Variants in USP6NL observed in about 807,000 individuals in gnomAD.
USP6NL encodes the protein USP6 N-terminal like, also known as USP6 N-terminal-like protein.
Under a neutral mutation model 61.9 loss-of-function variants are expected in USP6NL, and 26 were observed. That is an observed-to-expected ratio of 0.42 (90% confidence interval 0.31 to 0.58). The LOEUF is 0.58. USP6NL is among the 20% of genes least tolerant of loss of function. The pLI, the probability that USP6NL is intolerant of heterozygous loss-of-function variation, is 0.16. For synonymous variants in USP6NL, 432 were observed against 390.1 expected (o/e 1.11, Z -1.27); for missense variants, 1,114 against 1,034.3 (o/e 1.08, Z -1.06).
chr10:11,473,258 C>T (rs539858856), intron 14 of USP6NL, among the ~76,000 whole-genome samples: 1 of 152,354 alleles, frequency 6.6e-6, no homozygotes, highest in Non-Finnish European at 1.5e-5. Flanking sequence ...GCCACAGCCA[C>T]AGCCCCGCAG....
chr10:11,570,971 A>T (rs1014531065), intron 2 of USP6NL, among the ~76,000 whole-genome samples: 1 of 152,234 alleles, frequency 6.6e-6, no homozygotes, highest in South Asian at 2.1e-4. Context: ...CCACTAGACT[A>T]TGTTGCCTAA....
At chr10:11,536,923 G>C (rs1835857774) in intron 2 of USP6NL, among the ~76,000 whole-genome samples, 1 of 152,136 alleles carries the variant, frequency 6.6e-6, no homozygotes, top group Non-Finnish European at 1.5e-5. Context: ...AAAGAGACAG[G>C]TCATAGCCAC....
Position 11,541,887 on chromosome 10 carries a change from T to A in USP6NL, c.5-14320A>T, listed in dbSNP as rs546375330. On this transcript the variant is annotated intron_variant, in intron 2 of 14. Transcript: ENST00000609104. ...ACTGACACTATAAGTTAGAAAAAAA[T>A]TTTTTTTAATTTTCCAAATACATTT... Among the ~76,000 whole-genome samples, 154 of 152,182 alleles carry A rather than the reference T, an allele frequency of 1.0e-3. No individual in the cohort carries two copies. The Middle Eastern group carries it at 0.01, about 10-fold the overall frequency.
intron 3 of USP6NL, among the ~76,000 whole-genome samples, chr10:11,527,130 G>A (rs376334403): frequency 6.6e-6 from 1 of 152,048 alleles, no homozygotes; most frequent in African/African-American, 2.4e-5. Context: ...TAGAATCAGG[G>A]GCATTAAACA....
At chr10:11,563,150 T>C (rs1837003642) in intron 2 of USP6NL, 2 of 152,202 alleles carry the variant, frequency 1.3e-5, no homozygotes, top group Admixed American at 1.3e-4. Flanking sequence ...AACAATTTCA[T>C]GGATACTAAG....
At chr10:11,577,316 G>C (rs993540384) in intron 2 of USP6NL, among the ~76,000 whole-genome samples, 1 of 151,918 alleles carries the variant, frequency 6.6e-6, no homozygotes, top group South Asian at 2.1e-4. Context: ...CACCCACCTC[G>C]CCCTCCCAAA....
intron 2 of USP6NL, among the ~76,000 whole-genome samples, chr10:11,583,605 G>A (rs1054546093): frequency 6.6e-6 from 1 of 152,158 alleles, no homozygotes; most frequent in Admixed American, 6.5e-5. Context: ...AAGAGATTTA[G>A]TCATAATAAG....
At chr10:11,557,619 G>C (rs968322166) in intron 2 of USP6NL, among the ~76,000 whole-genome samples, 4 of 152,222 alleles carry the variant, frequency 2.6e-5, no homozygotes, top group African/African-American at 9.6e-5. Flanking sequence ...ATTGGAGTTA[G>C]TGAGTGTAGA....
rs975538416 is a variant in USP6NL at position 11,461,771 on chromosome 10, C to T, written c.*670G>A. 13 of 152,154 alleles carry T rather than the reference C, an allele frequency of 8.5e-5. No individual in the cohort carries two copies. The highest frequency in any genetic ancestry group is 2.9e-4 in the African/African-American group (12 of 41,428). 9.4% of individuals were successfully genotyped at this position (152,154 alleles called of 1,614,324 possible). ...CTTTCTCTCCAATGTCTTTAATTTTCAGATTGAAAGAAAATGGCAACAGCT... is the reference window on the plus strand; with the variant it reads ...CTTTCTCTCCAATGTCTTTAATTTTTAGATTGAAAGAAAATGGCAACAGCT... On this transcript the variant is annotated 3_prime_UTR_variant, in exon 15 of 15. Transcript: ENST00000609104.
At position 11,465,428 on chromosome 10, in the gene USP6NL, T is replaced by C. The variant is rs972153608; in HGVS notation, c.1079-1579A>G. Among the ~76,000 whole-genome samples the C allele has an allele frequency of 3.9e-5, 6 of 152,220 alleles. No homozygotes were observed. The highest frequency in any genetic ancestry group is 3.9e-4 in the Admixed American group (6 of 15,280). On this transcript the variant is annotated intron_variant, in intron 14 of 14. Transcript: ENST00000609104. The surrounding 1 kb of genome is among the most constrained non-coding windows in gnomAD (Gnocchi z 4.5). ...AAAACTGGATTCGCTGCAGAGACTG[T>C]CACACTGAGCCCTGGAAGCTGCCTC... is the stretch of plus-strand genomic sequence containing the variant.
chr10:11,593,698 T>C (rs1197693957), intron 2 of USP6NL, among the ~76,000 whole-genome samples: 1 of 152,198 alleles, frequency 6.6e-6, no homozygotes, highest in East Asian at 1.9e-4. Flanking sequence ...TGATAGCCTA[T>C]ATATCCACCA....
intron 14 of USP6NL, among the ~76,000 whole-genome samples, chr10:11,466,533 A>C (rs1832460214): frequency 6.6e-6 from 1 of 152,196 alleles, no homozygotes; most frequent in Admixed American, 6.5e-5. Flanking sequence ...TATTTTATAG[A>C]TCCGCTATGA....
chr10:11,550,809 C>G (rs1345209478), intron 2 of USP6NL, among the ~76,000 whole-genome samples: 2 of 150,490 alleles, frequency 1.3e-5, no homozygotes, highest in African/African-American at 4.9e-5. Flanking sequence ...AAAAAACAGG[C>G]AAGAGATTTG....
chr10:11,538,072 C>T (rs1310697919), intron 2 of USP6NL, among the ~76,000 whole-genome samples: 2 of 152,114 alleles, frequency 1.3e-5, no homozygotes, highest in African/African-American at 2.4e-5. Context: ...ATTTCTATAA[C>T]TAGTAAAATA....
At chr10:11,577,227 G>A (rs144199526) in intron 2 of USP6NL, among the ~76,000 whole-genome samples, 129 of 151,358 alleles carry the variant, frequency 8.5e-4, no homozygotes, top group African/African-American at 2.8e-3. Flanking sequence ...CAGATGCCAG[G>A]CTAATTTTTT....
At chr10:11,508,282 G>T (rs1331149326) in intron 6 of USP6NL, among the ~76,000 whole-genome samples, 1 of 152,182 alleles carries the variant, frequency 6.6e-6, no homozygotes, top group African/African-American at 2.4e-5. Context: ...TGCTTTACAT[G>T]CATTAAATCA....
At chr10:11,599,297 C>T (rs939333344) in intron 1 of USP6NL, among the ~76,000 whole-genome samples, 2 of 152,136 alleles carry the variant, frequency 1.3e-5, no homozygotes, top group South Asian at 4.1e-4. Context: ...AGAGTCTAGT[C>T]GCTTTGACCA....
Position 11,462,841 on chromosome 10 carries a change from C to T in USP6NL, c.2087G>A (p.Ser696Asn), listed in dbSNP as rs758694398. 2 of 1,613,994 alleles carry T rather than the reference C, an allele frequency of 1.2e-6. No homozygotes were observed. The highest frequency in any genetic ancestry group is 2.2e-5 in the South Asian group (2 of 91,078). The change falls in exon 15 of 15, where the codon AGT (serine) becomes AAT (asparagine). Residue 696 changes from serine (S) to asparagine (N), a missense_variant. Physicochemically the swap from Ser to Asn is conservative, Grantham distance 46. Transcript: ENST00000609104. Reference protein sequence around the residue: ...SRPSPLVLPSSRIEVLPVDTG... With the variant: ...SRPSPLVLPSNRIEVLPVDTG... ...GTCAACAGGGAGGACTTCTATTCGA[C>T]TAGACGGCAGTACAAGGGGGCTTGG...
chr10:11,480,892 A>C (rs1934237691), intron 14 of USP6NL, among the ~76,000 whole-genome samples: 1 of 152,252 alleles, frequency 6.6e-6, no homozygotes, highest in Non-Finnish European at 1.5e-5. Flanking sequence ...GTAAGAAAGA[A>C]GAAAAGCGAA....
Sources: allele counts gnomAD v4.1 joint callset (sites outside exome capture counted in the v4.1 genomes callset), GRCh38; gene constraint gnomAD v4.1.1; non-coding constraint Gnocchi (gnomAD v3.1); transcripts MANE v1.5; gene names NCBI Gene and HGNC (gene_info 2026-07-23, HGNC 2026-07-21).